AMD1: variants seen among roughly 807,000 people sequenced by gnomAD.
The protein encoded by AMD1 is S-adenosylmethionine decarboxylase proenzyme.
In AMD1, 11 loss-of-function variants were observed where a neutral mutation model predicts 40.2. The ratio of observed to expected loss-of-function variants is 0.27; its 90% confidence interval spans 0.17 to 0.45. The LOEUF is 0.45. Among genes scored for constraint, AMD1 ranks in the 20% least tolerant of loss-of-function variants. The pLI is 1.00. For missense variants in AMD1, 257 were observed against 410.2 expected, an observed-to-expected ratio of 0.63 and a Z score of 3.23; for synonymous variants, 121 against 130.8, an observed-to-expected ratio of 0.93 and a Z score of 0.51.
Position 110,892,718 on chromosome 6 carries a change from T to C in AMD1, c.616-17T>C, listed in dbSNP as rs775558345. The C allele has an allele frequency of 4.3e-5, 65 of 1,511,014 alleles. No homozygotes were observed. The Admixed American group carries it at 1.2e-3, about 27-fold the overall frequency. 93.6% of individuals were successfully genotyped at this position (1,511,014 alleles called of 1,614,324 possible). ...TTTGTCAAACCCTTGTTAAACTCGG[T>C]CTTTTTCCCCCCCCAGGAGAGTGGA... On this transcript the variant is annotated splice_polypyrimidine_tract_variant and intron_variant, in intron 6 of 8. Coordinates refer to ENST00000368885, the MANE Select transcript of AMD1 (RefSeq NM_001634.6).
At chr6:110,857,656 GTA>G in the AMD1 span, among the ~76,000 whole-genome samples, 15 of 130,450 alleles carry the variant, frequency 1.1e-4, no homozygotes, top group African/African-American at 3.3e-4. Context: ...TATATAGATG[GTA>G]TATATATATA....
the AMD1 span, among the ~76,000 whole-genome samples, chr6:110,862,677 C>T: frequency 1.3e-5 from 2 of 149,870 alleles, no homozygotes; most frequent in African/African-American, 2.5e-5. Flanking sequence ...ACCAAGTTGG[C>T]CAGCCTGGTC....
chr6:110,829,744 G>A, the AMD1 span, among the ~76,000 whole-genome samples: 1 of 151,984 alleles, frequency 6.6e-6, no homozygotes, highest in African/African-American at 2.4e-5. Context: ...TACTTGAGAG[G>A]CTGAGGTAGG....
the AMD1 span, among the ~76,000 whole-genome samples, chr6:110,840,211 T>C: frequency 6.6e-6 from 1 of 152,040 alleles, no homozygotes; most frequent in South Asian, 2.1e-4. Context: ...TTGTTCATAG[T>C]TCCAGAGTTA....
At chr6:110,881,081 T>C (rs908480414) in intron 1 of AMD1, among the ~76,000 whole-genome samples, 1 of 152,222 alleles carries the variant, frequency 6.6e-6, no homozygotes, top group Non-Finnish European at 1.5e-5. Flanking sequence ...AAAGTGTTGT[T>C]TTTCAGACAT....
Position 110,878,469 on chromosome 6 carries a change from C to A in AMD1, c.110+3254C>A, listed in dbSNP as rs9400422. Among the ~76,000 whole-genome samples the A allele has an allele frequency of 6.0e-4, 91 of 152,238 alleles. 1 individual carries two copies. In the East Asian group the frequency reaches 0.013, roughly 22 times the overall value. ...ACTGAGAAATTTAACAAAGAAAAAT[C>A]TTTTATGATATAGCTTGGGTTAAAC... On this transcript the variant is annotated intron_variant, in intron 1 of 8. Transcript: ENST00000368885.
intron 1 of AMD1, among the ~76,000 whole-genome samples, chr6:110,884,920 A>G (rs1029823663): frequency 6.6e-6 from 1 of 152,200 alleles, no homozygotes; most frequent in Non-Finnish European, 1.5e-5. Context: ...TGACTTAAGC[A>G]GGTAGCATTA....
chr6:110,876,253 GTGGCCACCAA>G (rs1785106836), intron 1 of AMD1, among the ~76,000 whole-genome samples: 1 of 152,234 alleles, frequency 6.6e-6, no homozygotes, highest in African/African-American at 2.4e-5. Flanking sequence ...GGTCGCACCG[GTGGCCACCAA>G]TGGCCTTCCT....
chr6:110,879,479 T>C (rs983128109), intron 1 of AMD1, among the ~76,000 whole-genome samples: 2 of 152,146 alleles, frequency 1.3e-5, no homozygotes, highest in Admixed American at 1.3e-4. Context: ...GAAACAATAA[T>C]GTGATGATAA....
At chr6:110,886,594 C>CA (rs1414903302) in intron 1 of AMD1, among the ~76,000 whole-genome samples, 7 of 152,178 alleles carry the variant, frequency 4.6e-5, no homozygotes, top group Admixed American at 4.6e-4. Context: ...CGTGAACCAC[C>CA]ACGCCTGGCC....
chr6:110,835,740 C>G, the AMD1 span, among the ~76,000 whole-genome samples: 1 of 152,028 alleles, frequency 6.6e-6, no homozygotes, highest in Non-Finnish European at 1.5e-5. Flanking sequence ...TGGCAGGCAC[C>G]TGTAATCCCA....
the AMD1 span, among the ~76,000 whole-genome samples, chr6:110,822,889 C>T: frequency 2.0e-5 from 3 of 151,916 alleles, no homozygotes; most frequent in African/African-American, 7.3e-5. Flanking sequence ...CTGAGGCAGG[C>T]AGATCACCTG....
At chr6:110,832,416 G>T in the AMD1 span, among the ~76,000 whole-genome samples, 1 of 151,168 alleles carries the variant, frequency 6.6e-6, no homozygotes, top group Non-Finnish European at 1.5e-5. Context: ...CTCCCATTGT[G>T]CTGAGATAAC....
chr6:110,870,883 T>C (rs1395014841), upstream of AMD1, among the ~76,000 whole-genome samples: 8 of 152,184 alleles, frequency 5.3e-5, no homozygotes, highest in East Asian at 1.9e-4. Context: ...TGTACTGTTA[T>C]GTGAGAGAGA....
chr6:110,866,810 A>C, the AMD1 span, among the ~76,000 whole-genome samples: 2 of 150,838 alleles, frequency 1.3e-5, no homozygotes, highest in East Asian at 3.9e-4. Context: ...AGCTCCAACA[A>C]CACTTTCTTT....
the AMD1 span, chr6:110,815,636 C>T: frequency 6.5e-6 from 1 of 153,190 alleles, no homozygotes; most frequent in African/African-American, 2.4e-5. Flanking sequence ...GCCCCTCCCC[C>T]TCAGGTAGCG....
the AMD1 span, among the ~76,000 whole-genome samples, chr6:110,820,810 G>A: frequency 0.011 from 1,728 of 152,244 alleles, 15 homozygotes; most frequent in Middle Eastern, 0.02. Flanking sequence ...GGCTGAGGCA[G>A]GAGAATCACT....
the AMD1 span, chr6:110,856,517 G>A: frequency 6.6e-6 from 1 of 152,196 alleles, no homozygotes; most frequent in East Asian, 1.9e-4. Flanking sequence ...GTCATCCCAT[G>A]TTAAGGGGGG....
the AMD1 span, among the ~76,000 whole-genome samples, chr6:110,823,889 A>G: frequency 6.6e-6 from 1 of 152,358 alleles, no homozygotes; most frequent in South Asian, 2.1e-4. Flanking sequence ...AAATGGAAAT[A>G]CATCTCATGC....
Sources: gnomAD v4.1 joint callset for allele counts (sites outside exome capture counted in the v4.1 genomes callset) on GRCh38, gnomAD v4.1.1 for gene constraint, MANE v1.5 for transcripts, NCBI Gene and HGNC (gene_info 2026-07-23, HGNC 2026-07-21) for gene names.